Variants in CMTM8 observed in about 807,000 individuals in gnomAD.
CMTM8 encodes the protein CKLF like MARVEL transmembrane domain containing 8, also known as CKLF-like MARVEL transmembrane domain-containing protein 8.
CMTM8 carries 12 observed loss-of-function variants against 18.6 expected under a neutral mutation model. The observed-to-expected ratio is 0.65, with a 90% CI of 0.41 to 1.05. CMTM8 has a LOEUF of 1.05. Among genes scored for constraint, CMTM8 ranks in the 50% least tolerant of loss-of-function variants. The pLI is 0.00. For synonymous variants in CMTM8, 87 were observed against 90.6 expected, an observed-to-expected ratio of 0.96 and a Z score of 0.23; for missense variants, 217 against 227.2, an observed-to-expected ratio of 0.95 and a Z score of 0.29.
chr3:32,336,487 C>T (rs565545479), intron 1 of CMTM8, among the ~76,000 whole-genome samples: 6 of 152,368 alleles, frequency 3.9e-5, no homozygotes, highest in African/African-American at 1.4e-4. Context: ...TGGTTTTGAA[C>T]ATAGCCTTTC....
intron 1 of CMTM8, among the ~76,000 whole-genome samples, chr3:32,327,635 C>T (rs1696188518): frequency 6.6e-6 from 1 of 152,190 alleles, no homozygotes; most frequent in Non-Finnish European, 1.5e-5. Flanking sequence ...AGTTCCATTC[C>T]CATCTGCCAA....
chr3:32,361,286 G>GTTTGTTTTTTGTTTTTTT, intron 2 of CMTM8, among the ~76,000 whole-genome samples: 1 of 87,230 alleles, frequency 1.1e-5, no homozygotes, highest in Non-Finnish European at 2.4e-5. Flanking sequence ...CAGCCTAAGA[G>GTTTGTTTTTTGTTTTTTT]TTTTTTTTTC....
At chr3:32,347,702 C>T (rs1326362944) in intron 1 of CMTM8, among the ~76,000 whole-genome samples, 1 of 152,230 alleles carries the variant, frequency 6.6e-6, no homozygotes, top group Non-Finnish European at 1.5e-5. Context: ...CCTCCCTTCA[C>T]TGTCATCTGT....
chr3:32,271,601 C>T lies in CMTM8; in HGVS notation c.147+32482C>T, dbSNP rs1702439895. ...TTGTTCCATAACTTTTAAAGTTTTA[C>T]CATATTTTATTTTATGAACGTACCA... On this transcript the variant is annotated intron_variant, in intron 1 of 3. Coordinates refer to ENST00000307526, the MANE Select transcript of CMTM8 (RefSeq NM_178868.5). Among the ~76,000 whole-genome samples, 6 of 152,078 alleles carry T rather than the reference C, an allele frequency of 3.9e-5. No individual in the cohort carries two copies. In the South Asian group the frequency reaches 1.2e-3, roughly 32 times the overall value.
At chr3:32,263,063 CAG>C (rs1163629032) in intron 1 of CMTM8, among the ~76,000 whole-genome samples, 3 of 151,538 alleles carry the variant, frequency 2.0e-5, no homozygotes, top group Non-Finnish European at 4.4e-5. Context: ...ATGCAGAAGA[CAG>C]ATGATTTCTG....
At chr3:32,283,605 G>T (rs969359915) in intron 1 of CMTM8, among the ~76,000 whole-genome samples, 3 of 152,174 alleles carry the variant, frequency 2.0e-5, no homozygotes, top group East Asian at 3.9e-4. Flanking sequence ...ACCGTCATAT[G>T]GGTCTCTCCT....
chr3:32,368,256 A>G (rs1427954033), intron 3 of CMTM8, among the ~76,000 whole-genome samples: 1 of 152,234 alleles, frequency 6.6e-6, no homozygotes, highest in African/African-American at 2.4e-5. Flanking sequence ...TGTTTAAAGC[A>G]TGCTAAGAAT....
intron 2 of CMTM8, among the ~76,000 whole-genome samples, chr3:32,366,915 G>C (rs915773929): frequency 6.6e-6 from 1 of 152,212 alleles, no homozygotes; most frequent in Non-Finnish European, 1.5e-5. Flanking sequence ...TGAAGACAGT[G>C]TGAGCACAGG....
intron 1 of CMTM8, among the ~76,000 whole-genome samples, chr3:32,270,877 AAAT>A (rs1702430197): frequency 6.6e-6 from 1 of 152,172 alleles, no homozygotes; most frequent in Non-Finnish European, 1.5e-5. Context: ...AATAATAAAA[AAAT>A]AATAATAACA....
intron 1 of CMTM8, among the ~76,000 whole-genome samples, chr3:32,273,129 A>ATGTATGTGTGTGTGTGTG (rs1553603065): frequency 7.0e-6 from 1 of 142,930 alleles, no homozygotes. Context: ...ATTGGAACAA[A>ATGTATGTGTGTGTGTGTG]TGTGTGTGTG....
At chr3:32,346,164 AAAG>A in intron 1 of CMTM8, among the ~76,000 whole-genome samples, 1 of 152,202 alleles carries the variant, frequency 6.6e-6, no homozygotes, top group Non-Finnish European at 1.5e-5. Flanking sequence ...CAAAAAAAGA[AAAG>A]AAAAGAAAAT....
chr3:32,309,257 T>G (rs562456899), intron 1 of CMTM8, among the ~76,000 whole-genome samples: 37 of 151,290 alleles, frequency 2.4e-4, no homozygotes, highest in African/African-American at 9.0e-4. Context: ...GGGTTTAAAC[T>G]TGGAAGGGCT....
chr3:32,365,176 C>G (rs2125604263), intron 2 of CMTM8, among the ~76,000 whole-genome samples: 1 of 152,252 alleles, frequency 6.6e-6, no homozygotes, highest in East Asian at 1.9e-4. Context: ...TGGGTCATGT[C>G]ACCACAGCCA....
At chr3:32,328,370 CAAAAAAAAAAAAAA>C (rs796201249) in intron 1 of CMTM8, among the ~76,000 whole-genome samples, 9 of 74,790 alleles carry the variant, frequency 1.2e-4, no homozygotes, top group African/African-American at 3.7e-4. Context: ...ACCCTGTCTC[CAAAAAAAAAAAAAA>C]AAAAAAAAAA....
At chr3:32,327,189 G>A (rs1294880998) in intron 1 of CMTM8, among the ~76,000 whole-genome samples, 2 of 152,030 alleles carry the variant, frequency 1.3e-5, no homozygotes, top group African/African-American at 4.8e-5. Flanking sequence ...AGTTTACATG[G>A]AAACTAAATT....
intron 1 of CMTM8, among the ~76,000 whole-genome samples, chr3:32,274,745 GT>G (rs746403632): frequency 1.3e-5 from 2 of 152,246 alleles, no homozygotes; most frequent in Non-Finnish European, 2.9e-5. Flanking sequence ...ATTACATATA[GT>G]CATCATGTCT....
intron 1 of CMTM8, among the ~76,000 whole-genome samples, chr3:32,263,492 G>T (rs1226942000): frequency 1.3e-5 from 2 of 152,244 alleles, no homozygotes; most frequent in East Asian, 3.9e-4. Context: ...AAACCACAAA[G>T]ATGGGGAAAA....
chr3:32,257,263 C>T (rs777320673), intron 1 of CMTM8, among the ~76,000 whole-genome samples: 2 of 152,188 alleles, frequency 1.3e-5, no homozygotes, highest in Non-Finnish European at 2.9e-5. Flanking sequence ...AGGAGTGAGC[C>T]ACAACACTGG....
chr3:32,302,523 C>T (rs1695640172), intron 1 of CMTM8, among the ~76,000 whole-genome samples: 1 of 152,094 alleles, frequency 6.6e-6, no homozygotes, highest in Non-Finnish European at 1.5e-5. Context: ...AAACAAGGCT[C>T]CCAAAAGGCG....
Sources: allele counts gnomAD v4.1 joint callset (sites outside exome capture counted in the v4.1 genomes callset), GRCh38; gene constraint gnomAD v4.1.1; transcripts MANE v1.5; gene names NCBI Gene and HGNC (gene_info 2026-07-23, HGNC 2026-07-21).